The following TSG101 variants were observed in gnomAD, a reference collection of about 807,000 sequenced individuals.
The protein encoded by TSG101 is tumor susceptibility gene 101 protein.
TSG101 carries 19 observed loss-of-function variants against 48.5 expected under a neutral mutation model. The ratio of observed to expected loss-of-function variants is 0.39; its 90% CI spans 0.27 to 0.58. The LOEUF (loss-of-function observed/expected upper bound fraction) is 0.58, where lower values mean the gene tolerates loss of function less well. Among genes scored for constraint, TSG101 ranks in the 20% least tolerant of loss-of-function variants. The pLI, the probability that TSG101 is intolerant of heterozygous loss-of-function variation, is 0.55. For synonymous variants in TSG101, 174 were observed against 169.4 expected (o/e 1.03, Z -0.21); for missense variants, 365 against 484.4 (o/e 0.75, Z 2.31).
intron 5 of TSG101, among the ~76,000 whole-genome samples, chr11:18,509,198 A>G (rs566475630): frequency 2.0e-5 from 3 of 152,256 alleles, no homozygotes; most frequent in Non-Finnish European, 4.4e-5. Flanking sequence ...GAGAAAGGAG[A>G]GGTCAGACTA....
At position 18,499,403 on chromosome 11, in the gene TSG101, T is replaced by TATATATATATATATA. The variant is rs1554970813; in HGVS notation, c.640+3082_640+3083insTATATATATATATAT. Among the ~76,000 whole-genome samples the TATATATATATATATA allele has an allele frequency of 1.3e-3, 9 of 6,842 alleles. 1 individual carries two copies. Among genetic ancestry groups the TATATATATATATATA allele is most frequent in the South Asian group, 7.1e-3 (1 of 140 alleles). The allele number at this position is 6,842 out of a possible 152,430, so 4.5% of individuals were successfully genotyped here. A position where few individuals can be genotyped will look rare whatever the true frequency, so the allele number is the denominator to read the frequency against. On this transcript the variant is annotated intron_variant, in intron 7 of 9. Transcript: ENST00000251968. ...TTAAATATATATATATATATATATATTTTTTTTTTTTTTTTTTTTTTTCCT... is the reference window on the plus strand; with the variant it reads ...TTAAATATATATATATATATATATATATATATATATATATATTTTTTTTTTTTTTTTTTTTTTCCT...
intron 8 of TSG101, 57 bp downstream of exon 8, chr11:18,483,813 A>G (rs1849581175): frequency 1.3e-6 from 2 of 1,579,604 alleles, no homozygotes; most frequent in African/African-American, 2.7e-5. Flanking sequence ...CATATAGAAC[A>G]CTCTGCCATG....
At chr11:18,490,455 G>T in intron 7 of TSG101, 3 of 540,592 alleles carry the variant, frequency 5.5e-6, no homozygotes, top group Non-Finnish European at 3.6e-6. Flanking sequence ...GAAATTAAGT[G>T]CCAGACCAAG....
intron 7 of TSG101, among the ~76,000 whole-genome samples, chr11:18,493,668 T>A (rs556868022): frequency 6.6e-6 from 1 of 152,258 alleles, no homozygotes; most frequent in East Asian, 1.9e-4. Context: ...TTACTGACCA[T>A]CTATTTAGAA....
At chr11:18,512,668 C>G (rs1035574533) in intron 4 of TSG101, among the ~76,000 whole-genome samples, 3 of 151,350 alleles carry the variant, frequency 2.0e-5, no homozygotes, top group Non-Finnish European at 1.5e-5. Flanking sequence ...TTCACCCTAT[C>G]CTGTGGCAGG....
Position 18,481,767 on chromosome 11 carries a change from C to T in TSG101, c.946G>A (p.Glu316Lys), listed in dbSNP as rs756034420. The change falls in exon 9 of 10, where the codon GAA (glutamate) becomes AAA (lysine). Residue 316 changes from glutamate to lysine, a missense_variant. Coordinates refer to ENST00000251968, the MANE Select transcript of TSG101 (RefSeq NM_006292.4). Reference protein sequence around the residue: ...ENQSENNDIDEVIIPTAPLYK... With the variant: ...ENQSENNDIDKVIIPTAPLYK... ...AAGGGAGCTGTGGGAATGATAACTT[C>T]ATCGATATCATTGTTTTCAGACTGA... 2.5e-6 allele frequency: 4 copies of T among 1,614,028 alleles called. No homozygotes were observed. In the African/African-American group the frequency reaches 4.0e-5, roughly 16 times the overall value.
chr11:18,521,936 CCA>C (rs1377409743), intron 1 of TSG101, among the ~76,000 whole-genome samples: 5 of 152,158 alleles, frequency 3.3e-5, no homozygotes, highest in Admixed American at 6.6e-5. Context: ...CCTCAGCCTC[CCA>C]CAGTGTTGGG....
intron 7 of TSG101, among the ~76,000 whole-genome samples, chr11:18,500,106 T>C (rs1182291662): frequency 1.3e-5 from 2 of 152,232 alleles, no homozygotes; most frequent in African/African-American, 2.4e-5. Flanking sequence ...GATATTTGTC[T>C]TTCTGCGCCT....
intron 7 of TSG101, chr11:18,490,093 G>A (rs953320677): frequency 5.9e-6 from 1 of 170,526 alleles, no homozygotes; most frequent in South Asian, 1.6e-4. Flanking sequence ...ACAAACACCA[G>A]CTGTTTATCC....
intron 7 of TSG101, among the ~76,000 whole-genome samples, chr11:18,486,325 G>A (rs1288540095): frequency 1.3e-5 from 2 of 152,250 alleles, no homozygotes; most frequent in African/African-American, 4.8e-5. Flanking sequence ...GGGAGGCCCA[G>A]GCAGGGTGTC....
chr11:18,482,440 T>C (rs1203673716), intron 8 of TSG101, among the ~76,000 whole-genome samples: 2 of 152,332 alleles, frequency 1.3e-5, no homozygotes, highest in African/African-American at 4.8e-5. Flanking sequence ...AATGGGTACA[T>C]ACAAATCACT....
chr11:18,481,247 ATAACTC>A (rs1849533938), intron 9 of TSG101: 4 of 978,162 alleles, frequency 4.1e-6, no homozygotes, highest in Admixed American at 6.2e-5. Context: ...CTAAAGTTAT[ATAACTC>A]TAAGAAAATT....
At chr11:18,522,171 ATTAAT>A (rs1438553542) in intron 1 of TSG101, among the ~76,000 whole-genome samples, 1 of 152,162 alleles carries the variant, frequency 6.6e-6, no homozygotes, top group Non-Finnish European at 1.5e-5. Flanking sequence ...ATGGTTGAAA[ATTAAT>A]TTATATGTTG....
intron 7 of TSG101, among the ~76,000 whole-genome samples, chr11:18,484,762 T>G (rs1439512874): frequency 6.6e-6 from 1 of 152,208 alleles, no homozygotes; most frequent in East Asian, 1.9e-4. Flanking sequence ...TCTGGATATT[T>G]TCTTCAAAAA....
intron 4 of TSG101, among the ~76,000 whole-genome samples, chr11:18,510,031 A>G (rs16935495): frequency 6.6e-6 from 1 of 152,214 alleles, no homozygotes; most frequent in African/African-American, 2.4e-5. Context: ...AACAGTCACA[A>G]TATTATTAAA....
At chr11:18,506,697 AT>A (rs200065106) in intron 6 of TSG101, among the ~76,000 whole-genome samples, 159 bp downstream of exon 6, 8 of 152,046 alleles carry the variant, frequency 5.3e-5, no homozygotes, top group East Asian at 3.9e-4. Context: ...CTCAAAAAAA[AT>A]AAATAAATAA....
intron 2 of TSG101, among the ~76,000 whole-genome samples, chr11:18,518,166 A>G (rs1203024771): frequency 1.3e-5 from 2 of 152,212 alleles, no homozygotes; most frequent in Non-Finnish European, 2.9e-5. Flanking sequence ...CATTGTACAT[A>G]TAGTATGCAG....
At chr11:18,488,049 A>G (rs1590270930) in intron 7 of TSG101, among the ~76,000 whole-genome samples, 2 of 152,198 alleles carry the variant, frequency 1.3e-5, no homozygotes, top group Admixed American at 1.3e-4. Flanking sequence ...TATTTTCACA[A>G]CCACAGGTGT....
At chr11:18,503,326 G>C (rs754986920) in intron 6 of TSG101, among the ~76,000 whole-genome samples, 9 of 151,416 alleles carry the variant, frequency 5.9e-5, no homozygotes, top group Non-Finnish European at 1.0e-4. Flanking sequence ...GAATATTTGA[G>C]AACTTCTAAC....
Sources: gnomAD v4.1 joint callset for allele counts (sites outside exome capture counted in the v4.1 genomes callset) on GRCh38, gnomAD v4.1.1 for gene constraint, MANE v1.5 for transcripts, NCBI Gene and HGNC (gene_info 2026-07-23, HGNC 2026-07-21) for gene names.